Variants in HEATR5A observed in about 807,000 individuals in gnomAD.
HEATR5A encodes the protein HEAT repeat-containing protein 5A.
In HEATR5A, 178 loss-of-function variants were observed where a neutral mutation model predicts 218.8. That is an observed-to-expected ratio of 0.81 (90% CI 0.72 to 0.92). The LOEUF (loss-of-function observed/expected upper bound fraction) is 0.92, where lower values mean the gene tolerates loss of function less well. HEATR5A is among the 40% of genes least tolerant of loss of function. The pLI, the probability that HEATR5A is intolerant of heterozygous loss-of-function variation, is 0.00. For synonymous variants in HEATR5A, 864 were observed against 871.6 expected, an observed-to-expected ratio of 0.99 and a Z score of 0.15; for missense variants, 2,420 against 2,418.9, an observed-to-expected ratio of 1.00 and a Z score of -0.01.
chr14:31,411,559 A>C (rs549373945), intron 1 of HEATR5A, among the ~76,000 whole-genome samples: 1 of 152,296 alleles, frequency 6.6e-6, no homozygotes, highest in South Asian at 2.1e-4. Flanking sequence ...AAGAGGGGGA[A>C]ATCCAAGTTG....
At chr14:31,305,720 CCTT>C (rs1899536005) in intron 31 of HEATR5A, among the ~76,000 whole-genome samples, 1 of 152,170 alleles carries the variant, frequency 6.6e-6, no homozygotes, top group Non-Finnish European at 1.5e-5. Context: ...CTGGTTAACT[CCTT>C]CTTGCTGTTA....
At chr14:31,294,740 A>G (rs916819762) in intron 34 of HEATR5A, among the ~76,000 whole-genome samples, 2 of 152,078 alleles carry the variant, frequency 1.3e-5, no homozygotes, top group Non-Finnish European at 2.9e-5. Context: ...AGAAAGCAAA[A>G]CAAAACAAAA....
At position 31,313,094 on chromosome 14, in the gene HEATR5A, A is replaced by C; in HGVS notation, c.4315T>G (p.Ser1439Ala). Reference sequence around the variant, plus strand: ...TAGACTAAGTCAAGCAGTCCATCTGATGAACATGATCCATTTCTGATACCG... The same window carrying C: ...TAGACTAAGTCAAGCAGTCCATCTGCTGAACATGATCCATTTCTGATACCG... Reference protein sequence around the residue: ...EDGIRNGSCSSDGLLDLVYAD... With the variant: ...EDGIRNGSCSADGLLDLVYAD... The change falls in exon 28 of 36, where the codon TCA (serine) becomes GCA (alanine). Residue 1439 changes from serine (S) to alanine (A), a missense_variant. Ser to Ala is a moderately conservative substitution (Grantham distance 99, BLOSUM62 1). Transcript: ENST00000543095. 8.1e-6 allele frequency: 13 copies of C among 1,613,886 alleles called. No homozygotes were observed. Among genetic ancestry groups the C allele is most frequent in the Non-Finnish European group, 1.0e-5 (12 of 1,179,780 alleles).
chr14:31,393,393 C>A (rs1482911168), intron 6 of HEATR5A, among the ~76,000 whole-genome samples: 2 of 152,084 alleles, frequency 1.3e-5, no homozygotes, highest in African/African-American at 4.8e-5. Flanking sequence ...AGCCTGTGGT[C>A]CCGCCTACTC....
chr14:31,318,510 G>A (rs1161799937), intron 25 of HEATR5A, among the ~76,000 whole-genome samples: 5 of 151,504 alleles, frequency 3.3e-5, no homozygotes, highest in Admixed American at 2.6e-4. Flanking sequence ...TTTTTGAGAC[G>A]GAGTCTCGCC....
At chr14:31,403,973 C>T (rs2030969526) in intron 1 of HEATR5A, among the ~76,000 whole-genome samples, 4 of 152,084 alleles carry the variant, frequency 2.6e-5, no homozygotes, top group Admixed American at 2.6e-4. Context: ...ATGGTTAAAT[C>T]GTGCACTCAA....
chr14:31,302,334 G>A lies in HEATR5A; in HGVS notation c.5425C>T (p.Arg1809Ter), dbSNP rs1823186527. The A allele has an allele frequency of 1.9e-6, 3 of 1,603,308 alleles. No homozygotes were observed. The highest frequency in any genetic ancestry group is 2.6e-6 in the Non-Finnish European group (3 of 1,174,838). Reference protein sequence around the residue: ...KSRTAWTDLLRSALTTILDCW... With the variant: ...KSRTAWTDLL ...TCAAGAATTGTTGTTAAGGCACTTC[G>A]GAGAAGGTCAGTCCAAGCAGTACGG... is the stretch of plus-strand genomic sequence containing the variant. Residue 1809 changes from arginine to a stop codon, truncating the protein, a stop_gained, in exon 33 of 36, where the codon CGA becomes TGA. Transcript: ENST00000543095. LOFTEE classifies it high-confidence loss of function.
chr14:31,346,157 G>A (rs980031623), intron 19 of HEATR5A, among the ~76,000 whole-genome samples: 13 of 152,166 alleles, frequency 8.5e-5, no homozygotes, highest in Non-Finnish European at 4.4e-5. Flanking sequence ...CTGCAAAAAT[G>A]AGCTCCTATT....
chr14:31,405,699 T>G (rs1384483202), intron 1 of HEATR5A, among the ~76,000 whole-genome samples: 2 of 152,204 alleles, frequency 1.3e-5, no homozygotes, highest in Admixed American at 6.5e-5. Flanking sequence ...AACCACAGTA[T>G]CATAGAGAAA....
intron 11 of HEATR5A, among the ~76,000 whole-genome samples, chr14:31,375,387 C>A (rs1902188912): frequency 6.6e-6 from 1 of 152,120 alleles, no homozygotes; most frequent in Admixed American, 6.6e-5. Flanking sequence ...TAGTAACAAA[C>A]AACATTGCAT....
At chr14:31,300,830 A>C (rs1314350125) in intron 33 of HEATR5A, among the ~76,000 whole-genome samples, 1 of 152,176 alleles carries the variant, frequency 6.6e-6, no homozygotes, top group African/African-American at 2.4e-5. Context: ...CCTCTTGGTG[A>C]GTACTTTTAG....
intron 1 of HEATR5A, among the ~76,000 whole-genome samples, chr14:31,419,617 C>T (rs180779927): frequency 2.6e-5 from 4 of 152,278 alleles, no homozygotes; most frequent in Admixed American, 2.0e-4. Context: ...AATGAATGCA[C>T]ATAAAAACAA....
Position 31,371,889 on chromosome 14 carries a change from G to T in HEATR5A, c.1882C>A (p.His628Asn). The change falls in exon 13 of 36, where the codon CAC (histidine) becomes AAC (asparagine). Residue 628 changes from histidine to asparagine, a missense_variant. His to Asn is a moderately conservative substitution (Grantham distance 68, BLOSUM62 1). Transcript: ENST00000543095. ...ALCAIKSFVS[H>N]CGDLLTEEVT... is the part of the protein sequence containing the mutation. Reference sequence around the variant, plus strand: ...TCCTCAGTAAGAAGATCACCACAGTGGGAAACAAAGCTCTTGATAGCTGAA... The same window carrying T: ...TCCTCAGTAAGAAGATCACCACAGTTGGAAACAAAGCTCTTGATAGCTGAA... 6.5e-7 allele frequency: 1 copy of T among 1,539,616 alleles called. No homozygotes were observed. The highest frequency in any genetic ancestry group is 2.0e-5 in the Admixed American group (1 of 50,004).
intron 33 of HEATR5A, among the ~76,000 whole-genome samples, chr14:31,301,681 T>C (rs923730350): frequency 1.3e-5 from 2 of 152,090 alleles, no homozygotes; most frequent in Non-Finnish European, 2.9e-5. Context: ...TCAGTAGAGA[T>C]GGGGTTTCAC....
At chr14:31,402,545 A>G (rs2139308040) in intron 2 of HEATR5A, among the ~76,000 whole-genome samples, 1 of 152,368 alleles carries the variant, frequency 6.6e-6, no homozygotes, top group Admixed American at 6.5e-5. Context: ...ACGGAGGAAC[A>G]TAGATGCAGA....
In HEATR5A at chr14:31,326,308, T is replaced by C. The variant is rs762642057; in HGVS notation, c.3402A>G (p.Ala1134=). 3 of 1,613,210 alleles carry C rather than the reference T, an allele frequency of 1.9e-6. No homozygotes were observed. Among genetic ancestry groups the C allele is most frequent in the South Asian group, 1.1e-5 (1 of 90,920 alleles). ...ANIREVGLEG[A]LLILLDKETD... ...TCTCCTTGTCTAGTAAGATCAACAA[T>C]GCCCCCTCAAGGCCAACTTCTCTGA... is the stretch of plus-strand genomic sequence containing the variant. The change falls in exon 23 of 36, where the codon GCA becomes GCG. Residue 1134 remains alanine (A), a synonymous_variant. Transcript: ENST00000543095.
chr14:31,324,013 A>C (rs1900186249), intron 23 of HEATR5A, among the ~76,000 whole-genome samples: 1 of 152,184 alleles, frequency 6.6e-6, no homozygotes, highest in Non-Finnish European at 1.5e-5. Flanking sequence ...GCTGTTAAGA[A>C]CTGTTCCAGG....
At chr14:31,322,817 T>TAAAAAAA (rs376742735) in intron 24 of HEATR5A, among the ~76,000 whole-genome samples, 3 of 101,144 alleles carry the variant, frequency 3.0e-5, no homozygotes, top group African/African-American at 7.6e-5. Flanking sequence ...AAATGCTGTC[T>TAAAAAAA]AAAAAAAAAA....
chr14:31,405,451 G>T (rs2031029120), intron 1 of HEATR5A, among the ~76,000 whole-genome samples: 1 of 151,976 alleles, frequency 6.6e-6, no homozygotes, highest in Non-Finnish European at 1.5e-5. Context: ...AACAAAAAAG[G>T]AATATAAACA....
Sources: allele counts gnomAD v4.1 joint callset (sites outside exome capture counted in the v4.1 genomes callset), GRCh38; gene constraint gnomAD v4.1.1; transcripts MANE v1.5; gene names NCBI Gene and HGNC (gene_info 2026-07-23, HGNC 2026-07-21).